Variants in TPR observed in about 807,000 individuals in gnomAD.
TPR encodes nucleoprotein TPR.
TPR carries 51 observed loss-of-function variants against 316.1 expected under a neutral mutation model. The ratio of observed to expected loss-of-function variants is 0.16; its 90% CI spans 0.13 to 0.20. TPR has a LOEUF of 0.20. Among genes scored for constraint, TPR ranks in the 10% least tolerant of loss-of-function variants. The pLI, the probability that TPR is intolerant of heterozygous loss-of-function variation, is 1.00. For synonymous variants in TPR, 981 were observed against 914.7 expected (o/e 1.07, Z -1.31); for missense variants, 2,272 against 2,754.8 (o/e 0.82, Z 3.92).
In TPR at chr1:186,312,929, A is replaced by T; in HGVS notation, c.*1042T>A. ...TAACTAACAGTTTCCCAAGGAGGTG[A>T]TATCATTTGTGAAAACATGAAGATA... is the stretch of plus-strand genomic sequence containing the variant. On this transcript the variant is annotated 3_prime_UTR_variant, in exon 51 of 51. Transcript: ENST00000367478. The T allele has an allele frequency of 6.3e-7, 1 of 1,589,226 alleles. No individual in the cohort carries two copies. Among genetic ancestry groups the T allele is most frequent in the Non-Finnish European group, 8.6e-7 (1 of 1,157,648 alleles).
chr1:186,338,311 G>A, intron 30 of TPR, 68 bp from the exon 31 acceptor site: 1 of 1,267,864 alleles, frequency 7.9e-7, no homozygotes, highest in South Asian at 1.4e-5. Flanking sequence ...GAAGTCCAAT[G>A]TAACTTTATG....
rs142010580 is a variant in TPR, at chr1:186,338,746, C to A, written c.4152-503G>T. 2.0e-5 allele frequency among the ~76,000 whole-genome samples: 3 copies of A among 152,304 alleles called. No individual in the cohort carries two copies. In the East Asian group the frequency reaches 5.8e-4, roughly 29 times the overall value. ...TCATGGGCCACATTTGGTCTATGGG[C>A]TACAGTTTGCCAACCCCTGTCCTAT... is the stretch of plus-strand genomic sequence containing the variant. On this transcript the variant is annotated intron_variant, in intron 30 of 50. Coordinates refer to ENST00000367478, the MANE Select transcript of TPR (RefSeq NM_003292.3).
rs953237991 is a variant in TPR, at chr1:186,361,015, A to G, written c.959-110T>C. On this transcript the variant is annotated intron_variant, in intron 9 of 50. Transcript: ENST00000367478. The stretch of plus-strand genomic sequence containing the variant: ...CCTCAGCAGATAATATTAAATTTCT[A>G]GAGAGGCTTCAGCTGACAGTATCTA... The G allele has an allele frequency of 1.4e-5, 16 of 1,166,690 alleles. No homozygotes were observed. In the African/African-American group the frequency reaches 2.5e-4, roughly 18 times the overall value. The allele number at this position is 1,166,690 out of a possible 1,614,324, so 72.3% of individuals were successfully genotyped here.
At chr1:186,331,950 T>C (rs1342002116) in intron 38 of TPR, among the ~76,000 whole-genome samples, 2 of 152,130 alleles carry the variant, frequency 1.3e-5, no homozygotes, top group Admixed American at 6.6e-5. Context: ...ATTCAACTTA[T>C]GTTTTTATGA....
In TPR at chr1:186,349,419, C is replaced by T. The variant is rs181267709; in HGVS notation, c.2776+804G>A. Among the ~76,000 whole-genome samples, 756 of 151,946 alleles carry T rather than the reference C, an allele frequency of 5.0e-3. 7 individuals carry two copies. The highest frequency in any genetic ancestry group is 6.7e-3 in the Non-Finnish European group (458 of 67,966). On this transcript the variant is annotated intron_variant, in intron 21 of 50. Transcript: ENST00000367478. ...CTGTAATCCCAGCACTTTGGGAGGCCGCGGCGGGCAGAGCACAAGGTCAGG... is the reference window on the plus strand; with the variant it reads ...CTGTAATCCCAGCACTTTGGGAGGCTGCGGCGGGCAGAGCACAAGGTCAGG...
intron 27 of TPR, chr1:186,341,971 A>AT: frequency 6.8e-6 from 1 of 146,636 alleles, no homozygotes; most frequent in Non-Finnish European, 1.5e-5. Flanking sequence ...TTACTATTAT[A>AT]ATTTTTTTTT....
chr1:186,357,602 G>T lies in TPR; in HGVS notation c.1519C>A (p.Leu507Ile), dbSNP rs757215246. 1 of 1,613,496 alleles carries T rather than the reference G, an allele frequency of 6.2e-7. No individual in the cohort carries two copies. The highest frequency in any genetic ancestry group is 2.2e-5 in the East Asian group (1 of 44,734). ...ACGTGGTTACCCCTTGCTTCTTCAA[G>T]TTCCATCAAAAGCACTCTAATCTAA... ...SQQIRVLLME[L>I]EEARGNHVIR... Residue 507 changes from leucine (L) to isoleucine (I), a missense_variant, in exon 14 of 51, where the codon CTT becomes ATT. Leu to Ile is a conservative substitution (Grantham distance 5). Transcript: ENST00000367478.
In TPR at chr1:186,351,405, T is replaced by C; in HGVS notation, c.2535A>G (p.Glu845=). The change falls in exon 20 of 51, where the codon GAA becomes GAG. Residue 845 remains glutamate (E), a synonymous_variant. Coordinates refer to ENST00000367478, the MANE Select transcript of TPR (RefSeq NM_003292.3). ...TCTTCTTTAGATGAGAGATCTCATG[T>C]TCCAGTTTTTCTATCTGGCTACTAA... The part of the protein sequence containing the change: ...QRLSSQIEKL[E]HEISHLKKKL... The C allele has an allele frequency of 6.2e-7, 1 of 1,612,634 alleles. No individual in the cohort carries two copies. The highest frequency in any genetic ancestry group is 8.5e-7 in the Non-Finnish European group (1 of 1,179,372).
intron 17 of TPR, among the ~76,000 whole-genome samples, chr1:186,354,134 CT>C (rs1005044172): frequency 1.3e-5 from 2 of 149,178 alleles, no homozygotes; most frequent in African/African-American, 2.5e-5. Flanking sequence ...GCAAGCTGCA[CT>C]TTTTTTTTTC....
chr1:186,362,098 T>C (rs1353302459), intron 7 of TPR, among the ~76,000 whole-genome samples, 190 bp downstream of exon 7: 1 of 152,050 alleles, frequency 6.6e-6, no homozygotes, highest in Non-Finnish European at 1.5e-5. Flanking sequence ...ATTTTTTAGA[T>C]AGTATTTTCA....
chr1:186,337,995 C>A, intron 31 of TPR, 38 bp downstream of exon 31: 1 of 1,477,086 alleles, frequency 6.8e-7, no homozygotes, highest in South Asian at 1.3e-5. Flanking sequence ...TAACATTCAT[C>A]CTAGTTTTTT....
rs569798798 is a variant in TPR, at chr1:186,339,729, C to T, written c.4064G>A (p.Arg1355Gln). 4.4e-6 allele frequency: 7 copies of T among 1,603,708 alleles called. No homozygotes were observed. Among genetic ancestry groups the T allele is most frequent in the East Asian group, 4.5e-5 (2 of 44,206 alleles). ...AACTTCCTTTTCAGAAAGGAGCTTC[C>T]GATATTCTTCTGTATCTGGATCTTT... is the stretch of plus-strand genomic sequence containing the variant. ...QQKDPDTEEY[R>Q]KLLSEKEVHT... Residue 1355 changes from arginine to glutamine, a missense_variant, in exon 30 of 51, where the codon CGG becomes CAG. Coordinates refer to ENST00000367478, the MANE Select transcript of TPR (RefSeq NM_003292.3).
intron 49 of TPR, 28 bp downstream of exon 49, chr1:186,317,454 T>G (rs1475111581): frequency 2.6e-6 from 4 of 1,557,368 alleles, no homozygotes; most frequent in Non-Finnish European, 2.7e-6. Context: ...GTATAAAAAC[T>G]GTATTGCAGT....
chr1:186,325,603 T>A lies in TPR; in HGVS notation c.6112+161A>T. On this transcript the variant is annotated intron_variant, in intron 42 of 50. Transcript: ENST00000367478. ...TGACAGCACCTAACAATCATAAATA[T>A]AGTAGACTTTTTATGAGAGCACAAC... The A allele has an allele frequency of 5.5e-6, 3 of 546,290 alleles. 1 individual carries two copies. The South Asian group carries it at 1.1e-4, about 20-fold the overall frequency. 33.8% of individuals were successfully genotyped at this position (546,290 alleles called of 1,614,324 possible).
In TPR at chr1:186,363,007, G is replaced by A. The variant is rs768003022; in HGVS notation, c.532-6C>T. On this transcript the variant is annotated splice_polypyrimidine_tract_variant and splice_region_variant and intron_variant, in intron 5 of 50. Transcript: ENST00000367478. ...TCCAAGCGTTTTTCTCGATACTAAA[G>A]AAATCCAAGAAAATAACACGTACAG... 1.3e-6 allele frequency: 2 copies of A among 1,591,108 alleles called. No individual in the cohort carries two copies. Among genetic ancestry groups the A allele is most frequent in the Non-Finnish European group, 1.7e-6 (2 of 1,175,142 alleles).
chr1:186,356,990 T>C (rs1421733653), intron 14 of TPR, among the ~76,000 whole-genome samples: 2 of 152,204 alleles, frequency 1.3e-5, no homozygotes, highest in African/African-American at 4.8e-5. Flanking sequence ...GTATTGTTGC[T>C]CAATTCTTTC....
chr1:186,344,270 C>G, intron 25 of TPR, 105 bp downstream of exon 25: 1 of 1,429,282 alleles, frequency 7.0e-7, no homozygotes, highest in Non-Finnish European at 9.5e-7. Context: ...CATTGCACTC[C>G]AGCATGGGTG....
Position 186,338,177 on chromosome 1 carries a change from T to G in TPR, c.4218A>C (p.Val1406=). ...TCTGGATGGTTTCCTTTTCAGTTCT[T>G]ACTTTATTTAGATCTTCCTTCAGAC... ...IQSLKEDLNK[V]RTEKETIQKD... The change falls in exon 31 of 51, where the codon GTA becomes GTC. Residue 1406 remains valine (V), a synonymous_variant. Transcript: ENST00000367478. 6.2e-7 allele frequency: 1 copy of G among 1,613,078 alleles called. No homozygotes were observed. Among genetic ancestry groups the G allele is most frequent in the Non-Finnish European group, 8.5e-7 (1 of 1,179,564 alleles).
Position 186,318,715 on chromosome 1 carries a change from TCTG to T in TPR, c.6664+15_6664+17del, listed in dbSNP as rs1305921971. On this transcript the variant is annotated intron_variant, in intron 47 of 50. Transcript: ENST00000367478. ...TTTACCAATAAAACAGAACCTACTA[TCTG>T]CCTTTGATCCCTACCTGGGGCTGCT... 6.2e-7 allele frequency: 1 copy of T among 1,613,362 alleles called. No individual in the cohort carries two copies. The highest frequency in any genetic ancestry group is 2.2e-5 in the East Asian group (1 of 44,880).
Sources: gnomAD v4.1 joint callset for allele counts (sites outside exome capture counted in the v4.1 genomes callset) on GRCh38, gnomAD v4.1.1 for gene constraint, MANE v1.5 for transcripts, NCBI Gene and HGNC (gene_info 2026-07-23, HGNC 2026-07-21) for gene names.